The following RELN variants were observed in gnomAD, a reference collection of about 807,000 sequenced individuals.
The protein encoded by RELN is reelin.
Under a neutral mutation model 427.6 loss-of-function variants are expected in RELN, and 108 were observed. The ratio of observed to expected loss-of-function variants is 0.25; its 90% CI spans 0.22 to 0.30. The LOEUF is 0.30. Ranked by LOEUF, RELN falls within the 10% of genes least tolerant of loss-of-function variation. RELN has a pLI of 1.00. For missense variants in RELN, 3,715 were observed against 4,302.8 expected, an observed-to-expected ratio of 0.86 and a Z score of 3.82; for synonymous variants, 1,524 against 1,513.4, an observed-to-expected ratio of 1.01 and a Z score of -0.16.
intron 1 of RELN, among the ~76,000 whole-genome samples, chr7:103,941,726 A>G (rs1796118947): frequency 6.6e-6 from 1 of 152,142 alleles, no homozygotes; most frequent in South Asian, 2.1e-4. Context: ...TTTAACAATG[A>G]ACATTTGTTT....
intron 6 of RELN, among the ~76,000 whole-genome samples, chr7:103,729,256 T>C (rs1307159571): frequency 6.6e-6 from 1 of 152,128 alleles, no homozygotes; most frequent in East Asian, 1.9e-4. Context: ...ATGCCCTTTG[T>C]TTAGGAGATT....
At chr7:103,497,999 T>C in intron 54 of RELN, 73 bp from the exon 55 acceptor site, 1 of 1,599,740 alleles carries the variant, frequency 6.3e-7, no homozygotes. Flanking sequence ...CTGGATAATT[T>C]CTTCCATACA....
chr7:103,938,084 G>A (rs900482056), intron 1 of RELN, among the ~76,000 whole-genome samples: 1 of 152,150 alleles, frequency 6.6e-6, no homozygotes, highest in Non-Finnish European at 1.5e-5. Flanking sequence ...TCTTTGGGAG[G>A]CCAAGGTGGT....
At chr7:103,577,251 G>A (rs140968348) in intron 28 of RELN, among the ~76,000 whole-genome samples, 3 of 152,212 alleles carry the variant, frequency 2.0e-5, no homozygotes, top group Non-Finnish European at 2.9e-5. Context: ...TTTCTTTTTG[G>A]CTCTTCAAGT....
At chr7:103,703,170 C>T (rs1309879826) in intron 8 of RELN, among the ~76,000 whole-genome samples, 1 of 152,044 alleles carries the variant, frequency 6.6e-6, no homozygotes, top group Non-Finnish European at 1.5e-5. Context: ...GGAAGGAGCA[C>T]CCCCCAAGAG....
At chr7:103,661,299 C>A in intron 12 of RELN, 77 bp downstream of exon 12, 1 of 1,456,486 alleles carries the variant, frequency 6.9e-7, no homozygotes, top group Non-Finnish European at 9.6e-7. Context: ...TGACAACAAA[C>A]AATCTTACTT....
chr7:103,883,411 T>C (rs889314679), intron 2 of RELN, among the ~76,000 whole-genome samples: 1 of 152,144 alleles, frequency 6.6e-6, no homozygotes, highest in Non-Finnish European at 1.5e-5. Flanking sequence ...CTATTCAACA[T>C]AGTATTAGAA....
At chr7:103,553,059 C>T (rs947932666) in intron 40 of RELN, among the ~76,000 whole-genome samples, 16 of 151,924 alleles carry the variant, frequency 1.1e-4, no homozygotes, top group Non-Finnish European at 5.9e-5. Context: ...AAATTAATAA[C>T]ATCATGACAA....
In RELN at chr7:103,557,079, A is replaced by G. The variant is rs754355924; in HGVS notation, c.5695T>C (p.Tyr1899His). ...GITWHLMDEF[Y>H]FPQTTNILFI... Reference sequence around the variant, plus strand: ...AGTATATTCGTTGTTTGAGGAAAGTAAAATTCATCCATCAGGTGCCAAGTG... The same window carrying G: ...AGTATATTCGTTGTTTGAGGAAAGTGAAATTCATCCATCAGGTGCCAAGTG... The change falls in exon 38 of 65, where the codon TAC (tyrosine) becomes CAC (histidine). Residue 1899 changes from tyrosine to histidine, a missense_variant. This residue lies in a region of RELN where 2,208 missense variants were observed against 2,361.7 expected (regional missense o/e 0.93). Transcript: ENST00000428762. 1.2e-6 allele frequency: 2 copies of G among 1,613,594 alleles called. No homozygotes were observed. Among genetic ancestry groups the G allele is most frequent in the Non-Finnish European group, 1.7e-6 (2 of 1,179,458 alleles).
At chr7:103,747,393 C>A (rs1790868841) in intron 6 of RELN, among the ~76,000 whole-genome samples, 1 of 150,594 alleles carries the variant, frequency 6.6e-6, no homozygotes. Flanking sequence ...TGCACATGTA[C>A]CCTAAAACTT....
intron 22 of RELN, among the ~76,000 whole-genome samples, chr7:103,606,252 G>A (rs1831816410): frequency 6.6e-6 from 1 of 152,168 alleles, no homozygotes; most frequent in Non-Finnish European, 1.5e-5. Flanking sequence ...TCCATAGTTT[G>A]CACAGGAACA....
At chr7:103,592,453 G>A (rs955635388) in intron 27 of RELN, among the ~76,000 whole-genome samples, 1 of 152,048 alleles carries the variant, frequency 6.6e-6, no homozygotes, top group African/African-American at 2.4e-5. Flanking sequence ...GAGCATTTAG[G>A]TGGTCTTTGC....
intron 2 of RELN, among the ~76,000 whole-genome samples, chr7:103,907,026 C>T (rs967879525): frequency 6.6e-6 from 1 of 152,036 alleles, no homozygotes; most frequent in Non-Finnish European, 1.5e-5. Context: ...CACTAAACAA[C>T]AAAAGACATA....
chr7:103,571,579 C>T (rs536938024), intron 31 of RELN, among the ~76,000 whole-genome samples: 3 of 152,262 alleles, frequency 2.0e-5, no homozygotes, highest in South Asian at 4.2e-4. Flanking sequence ...GTTACTTGAC[C>T]TTTCGGTGCC....
chr7:103,527,471 C>G (rs1354342291), intron 46 of RELN, among the ~76,000 whole-genome samples: 1 of 152,158 alleles, frequency 6.6e-6, no homozygotes, highest in African/African-American at 2.4e-5. Context: ...ATTAAGCAAA[C>G]CTTTCAAAAC....
chr7:103,934,113 T>C (rs1408035636), intron 1 of RELN, among the ~76,000 whole-genome samples: 1 of 118,342 alleles, frequency 8.5e-6, no homozygotes, highest in Non-Finnish European at 1.7e-5. Context: ...GGACAGTTGG[T>C]GACCACAAAG....
chr7:103,769,070 C>T (rs902002073), intron 4 of RELN, among the ~76,000 whole-genome samples: 2 of 152,264 alleles, frequency 1.3e-5, no homozygotes, highest in Non-Finnish European at 2.9e-5. Context: ...CACCAACTGA[C>T]CTTGAATAAA....
At chr7:103,770,539 T>C (rs1791541053) in intron 4 of RELN, among the ~76,000 whole-genome samples, 1 of 152,212 alleles carries the variant, frequency 6.6e-6, no homozygotes, top group African/African-American at 2.4e-5. Flanking sequence ...TAGCGGTGTT[T>C]GGCTGCAAGG....
intron 5 of RELN, among the ~76,000 whole-genome samples, 177 bp downstream of exon 5, chr7:103,753,005 T>C (rs1265149670): frequency 3.9e-5 from 6 of 152,190 alleles, no homozygotes; most frequent in Non-Finnish European, 5.9e-5. Flanking sequence ...GCATGAATGT[T>C]TCCTCAAGGA....
Sources: allele counts gnomAD v4.1 joint callset (sites outside exome capture counted in the v4.1 genomes callset), GRCh38; gene constraint gnomAD v4.1.1; regional missense constraint gnomAD v4.1.1; transcripts MANE v1.5; gene names NCBI Gene and HGNC (gene_info 2026-07-23, HGNC 2026-07-21).